The following NECAB3 variants were observed in gnomAD, a reference collection of about 807,000 sequenced individuals.
The protein encoded by NECAB3 is N-terminal EF-hand calcium-binding protein 3.
A neutral mutation model predicts 57.2 loss-of-function variants in NECAB3; 38 were observed. The observed-to-expected ratio is 0.66, with a 90% CI of 0.51 to 0.87. The LOEUF (loss-of-function observed/expected upper bound fraction) is 0.87. NECAB3 is among the 40% of genes least tolerant of loss of function. The probability of loss-of-function intolerance (pLI) is 0.00; values close to 1 mark genes in which losing one functional copy is unlikely to be tolerated. For missense variants in NECAB3, 474 were observed against 527.5 expected (o/e 0.90, Z 0.99); for synonymous variants, 223 against 222.6 (o/e 1.00, Z -0.02).
intron 5 of NECAB3, chr20:33,662,189 G>A: frequency 1.1e-6 from 1 of 945,948 alleles, no homozygotes; most frequent in East Asian, 2.7e-5. Context: ...GGCTAGAAGT[G>A]ACTGAGTGGA....
upstream of NECAB3, chr20:33,674,522 T>C (rs2017913660): frequency 2.3e-5 from 13 of 576,016 alleles, no homozygotes; most frequent in Non-Finnish European, 2.4e-5. Context: ...AAGGTCCAAC[T>C]CCAGCGCCGC....
intron 2 of NECAB3, among the ~76,000 whole-genome samples, chr20:33,671,607 T>TA (rs1601176224): frequency 6.6e-6 from 1 of 152,318 alleles, no homozygotes; most frequent in East Asian, 1.9e-4. Context: ...AGCCCCAGGC[T>TA]GACTGCGAAG....
intron 5 of NECAB3, chr20:33,667,312 A>C (rs1374234093): frequency 8.1e-6 from 6 of 741,956 alleles, no homozygotes; most frequent in Non-Finnish European, 1.1e-5. Flanking sequence ...GCACCCCATC[A>C]AGCACGGCGT....
At chr20:33,668,126 G>A in intron 5 of NECAB3, 1 of 1,610,790 alleles carries the variant, frequency 6.2e-7, no homozygotes, top group Non-Finnish European at 8.5e-7. Flanking sequence ...ATGGCTGTGT[G>A]GACCGGCGGC....
chr20:33,658,442 T>C, intron 10 of NECAB3, 35 bp downstream of exon 10: 1 of 1,600,012 alleles, frequency 6.2e-7, no homozygotes. Context: ...CAGGGCCACA[T>C]TCCATGGTGT....
intron 5 of NECAB3, chr20:33,663,555 C>G (rs756217324): frequency 3.7e-6 from 6 of 1,611,072 alleles, no homozygotes; most frequent in Non-Finnish European, 5.1e-6. Flanking sequence ...TGATTCTCCC[C>G]CTGGACAAGC....
In NECAB3 at chr20:33,667,691, C is replaced by A. The variant is rs1006881494; in HGVS notation, c.387+1684G>T. 5 of 1,612,128 alleles carry A rather than the reference C, an allele frequency of 3.1e-6. No homozygotes were observed. Among genetic ancestry groups the A allele is most frequent in the Admixed American group, 3.3e-5 (2 of 60,022 alleles). On this transcript the variant is annotated intron_variant, in intron 5 of 11. Coordinates refer to ENST00000246190, the MANE Select transcript of NECAB3 (RefSeq NM_031232.4). Reference sequence around the variant, plus strand: ...CGGGATCTGCTGGTGGCGGCGAACCCTGACCTCTTGCAGCAGGCCCTGCCC... The same window carrying A: ...CGGGATCTGCTGGTGGCGGCGAACCATGACCTCTTGCAGCAGGCCCTGCCC...
intron 3 of NECAB3, 60 bp from the exon 4 acceptor site, chr20:33,669,772 G>A (rs2017788861): frequency 2.0e-6 from 3 of 1,513,000 alleles, no homozygotes; most frequent in South Asian, 2.6e-5. Context: ...GACTAATGGG[G>A]CCAATGCCCC....
chr20:33,673,569 G>A (rs774104064), intron 1 of NECAB3, among the ~76,000 whole-genome samples: 33 of 152,168 alleles, frequency 2.2e-4, no homozygotes, highest in Non-Finnish European at 3.8e-4. Context: ...GAAGAAGGAG[G>A]GTCAGGTCCC....
rs560860084 is a variant in NECAB3 at position 33,660,927 on chromosome 20, G to GCCGGCACTGACCCCAA, written c.388-548_388-533dup. On this transcript the variant is annotated intron_variant, in intron 5 of 11. Coordinates refer to ENST00000246190, the MANE Select transcript of NECAB3 (RefSeq NM_031232.4). This position sits in a 1 kb window ranked among gnomAD's most constrained non-coding sequence, Gnocchi z 4.1. ...TTGCCATTCTCACTCAGACACACAC[G>GCCGGCACTGACCCCAA]CCGGCACTGACCCCAACCGACACTG... Among the ~76,000 whole-genome samples, 488 of 152,224 alleles carry GCCGGCACTGACCCCAA rather than the reference G, an allele frequency of 3.2e-3. 20 individuals carry two copies. In the East Asian group the frequency reaches 0.087, roughly 27 times the overall value.
chr20:33,658,359 GT>G, intron 10 of NECAB3, 117 bp downstream of exon 10: 1 of 1,047,954 alleles, frequency 9.5e-7, no homozygotes, highest in Non-Finnish European at 1.4e-6. Flanking sequence ...GCTCGGGCAG[GT>G]GGGGTCACTC....
chr20:33,658,113 C>T, intron 10 of NECAB3, 80 bp from the exon 11 acceptor site: 1 of 1,253,254 alleles, frequency 8.0e-7, no homozygotes, highest in Non-Finnish European at 1.1e-6. Context: ...CCCGGCCCTT[C>T]TCACACTGCC....
intron 5 of NECAB3, chr20:33,664,653 TAGA>T (rs1189662859): frequency 6.6e-6 from 1 of 152,336 alleles, no homozygotes; most frequent in Non-Finnish European, 1.5e-5. Flanking sequence ...CCAAATCACT[TAGA>T]AGAAGCCCTG....
upstream of NECAB3, among the ~76,000 whole-genome samples, chr20:33,675,063 C>T (rs1180466920): frequency 6.6e-6 from 1 of 151,922 alleles, no homozygotes; most frequent in Non-Finnish European, 1.5e-5. Context: ...CTCTGACCCT[C>T]ACCTCAGGAC....
chr20:33,659,395 G>A, intron 8 of NECAB3, 102 bp downstream of exon 8: 1 of 1,042,296 alleles, frequency 9.6e-7, no homozygotes, highest in Middle Eastern at 2.2e-4. Context: ...CGGGGCACAT[G>A]CGCACTGCAG....
rs1430841832 is a variant in NECAB3, at chr20:33,658,524, G to C, written c.1023C>G (p.Ala341=). ...HVSAQKMLDG[A]SFTLYEFWQD... Reference sequence around the variant, plus strand: ...GCCAGAACTCATACAGGGTGAAGGAGGCACCGTCCAGCATCTTCTGGGCGG... The same window carrying C: ...GCCAGAACTCATACAGGGTGAAGGACGCACCGTCCAGCATCTTCTGGGCGG... Residue 341 remains alanine (A), a synonymous_variant, in exon 10 of 12, where the codon GCC becomes GCG. Transcript: ENST00000246190. The C allele has an allele frequency of 6.2e-7, 1 of 1,614,082 alleles. No individual in the cohort carries two copies. The highest frequency in any genetic ancestry group is 1.1e-5 in the South Asian group (1 of 91,080).
chr20:33,658,122 C>G (rs2017344274), intron 10 of NECAB3, 89 bp from the exon 11 acceptor site: 1 of 1,151,160 alleles, frequency 8.7e-7, no homozygotes, highest in African/African-American at 1.5e-5. Flanking sequence ...TCTCACACTG[C>G]CTCTGGAGCC....
At position 33,663,764 on chromosome 20, in the gene NECAB3, G is replaced by T. The variant is rs982224651; in HGVS notation, c.388-3369C>A. ...GCCAGGGCAGCTCTGAGCTGGCCGC[G>T]GCTGCTCTCGCGCTTCCGGTCCCCG... is the stretch of plus-strand genomic sequence containing the variant. On this transcript the variant is annotated intron_variant, in intron 5 of 11. Transcript: ENST00000246190. 3 of 1,452,684 alleles carry T rather than the reference G, an allele frequency of 2.1e-6. No individual in the cohort carries two copies. In the African/African-American group the frequency reaches 4.5e-5, roughly 22 times the overall value. 90.0% of individuals were successfully genotyped at this position (1,452,684 alleles called of 1,614,324 possible).
rs764281785 is a variant in NECAB3, at chr20:33,660,091, G to A, written c.525-88C>T. ...GGGAAGACAAGCCTCCTGGGACTCC[G>A]AGGCCTAGCCCCAAAGCCAGTCTCA... On this transcript the variant is annotated intron_variant, in intron 6 of 11. Coordinates refer to ENST00000246190, the MANE Select transcript of NECAB3 (RefSeq NM_031232.4). The surrounding 1 kb of genome is among the most constrained non-coding windows in gnomAD (Gnocchi z 4.1). The A allele has an allele frequency of 1.5e-5, 23 of 1,521,312 alleles. No homozygotes were observed. In the African/African-American group the frequency reaches 2.1e-4, roughly 14 times the overall value. 94.2% of individuals were successfully genotyped at this position (1,521,312 alleles called of 1,614,324 possible).
Sources: gnomAD v4.1 joint callset for allele counts (sites outside exome capture counted in the v4.1 genomes callset) on GRCh38, gnomAD v4.1.1 for gene constraint, Gnocchi (gnomAD v3.1) non-coding constraint, MANE v1.5 for transcripts, NCBI Gene and HGNC (gene_info 2026-07-23, HGNC 2026-07-21) for gene names.